LRRFIP2: variants seen among roughly 807,000 people sequenced by gnomAD.
LRRFIP2 encodes the protein LRR binding FLII interacting protein 2.
LRRFIP2 carries 109 observed loss-of-function variants against 125.9 expected under a neutral mutation model. That is an observed-to-expected ratio of 0.87 (90% CI 0.74 to 1.01). The LOEUF (loss-of-function observed/expected upper bound fraction) is 1.01, where lower values mean the gene tolerates loss of function less well. LRRFIP2 is among the 50% of genes least tolerant of loss of function. The pLI is 0.00. For missense variants in LRRFIP2, 850 were observed against 862.3 expected (o/e 0.99, Z 0.18); for synonymous variants, 291 against 293.1 (o/e 0.99, Z 0.07).
At chr3:37,134,546 G>A in intron 2 of LRRFIP2, 3 of 424,982 alleles carry the variant, frequency 7.1e-6, no homozygotes, top group South Asian at 5.7e-5. Flanking sequence ...GTGTCTGGCA[G>A]AGCCGGTATG....
chr3:37,121,426 A>G lies in LRRFIP2; in HGVS notation c.330+66T>C, dbSNP rs562797799. 6 of 1,427,636 alleles carry G rather than the reference A, an allele frequency of 4.2e-6. No individual in the cohort carries two copies. The South Asian group carries it at 6.9e-5, about 16-fold the overall frequency. 88.4% of individuals were successfully genotyped at this position (1,427,636 alleles called of 1,614,324 possible). Reference sequence around the variant, plus strand: ...ATACAGGAACATTGTCAGATTGTTTAGGCAACATTATTGAAGAAAGCTCAC... The same window carrying G: ...ATACAGGAACATTGTCAGATTGTTTGGGCAACATTATTGAAGAAAGCTCAC... On this transcript the variant is annotated intron_variant, in intron 6 of 27. Coordinates refer to ENST00000336686, the MANE Select transcript of LRRFIP2 (RefSeq NM_006309.4).
At chr3:37,175,884 C>G (rs1400095465), upstream of LRRFIP2, 1 of 152,274 alleles carries the variant, frequency 6.6e-6, no homozygotes, top group Non-Finnish European at 1.5e-5. Context: ...ACGCCGCAGG[C>G]AGGGGGCGAC....
intron 11 of LRRFIP2, among the ~76,000 whole-genome samples, chr3:37,109,292 T>TA (rs1029267851): frequency 3.5e-4 from 53 of 151,696 alleles, no homozygotes; most frequent in Middle Eastern, 3.4e-3. Flanking sequence ...CTTCTCTAGA[T>TA]AAAAAAAAAC....
At chr3:37,148,744 A>G (rs2095925888) in intron 2 of LRRFIP2, 150 bp downstream of exon 2, 8 of 687,438 alleles carry the variant, frequency 1.2e-5, no homozygotes, top group Non-Finnish European at 1.2e-5. Context: ...TTTTATTCTA[A>G]CACACTATTT....
At chr3:37,169,626 A>G (rs944810771) in intron 1 of LRRFIP2, among the ~76,000 whole-genome samples, 1 of 152,252 alleles carries the variant, frequency 6.6e-6, no homozygotes, top group East Asian at 1.9e-4. Context: ...CAGAAAGCCA[A>G]AAGATTTCTT....
chr3:37,088,711 C>T (rs1208932061), intron 18 of LRRFIP2, among the ~76,000 whole-genome samples: 3 of 151,912 alleles, frequency 2.0e-5, no homozygotes, highest in East Asian at 3.9e-4. Flanking sequence ...GGCTTAGGAT[C>T]GCTTGAGTCC....
In LRRFIP2 at chr3:37,053,791, A is replaced by G. The variant is rs1172785676; in HGVS notation, c.*60T>C. On this transcript the variant is annotated 3_prime_UTR_variant, in exon 28 of 28. Transcript: ENST00000336686. ...TAAAAGGGGTTTGTGTCAATGGACA[A>G]AAGTCAGTCCCTCTAGGTAGGGCCC... is the stretch of plus-strand genomic sequence containing the variant. The G allele has an allele frequency of 2.7e-6, 3 of 1,127,324 alleles. No individual in the cohort carries two copies. In the African/African-American group the frequency reaches 4.6e-5, roughly 17 times the overall value. 69.8% of individuals were successfully genotyped at this position (1,127,324 alleles called of 1,614,324 possible).
chr3:37,144,229 A>G (rs1025160620), intron 2 of LRRFIP2, among the ~76,000 whole-genome samples: 50 of 152,244 alleles, frequency 3.3e-4, no homozygotes, highest in African/African-American at 1.1e-3. Context: ...TTTTTATTTT[A>G]TCACACTGAT....
intron 19 of LRRFIP2, among the ~76,000 whole-genome samples, chr3:37,079,709 T>C (rs2092453165): frequency 6.6e-6 from 1 of 152,064 alleles, no homozygotes; most frequent in South Asian, 2.1e-4. Flanking sequence ...AAACAAAATG[T>C]AGCATACCCA....
At chr3:37,134,942 T>C in intron 2 of LRRFIP2, 1 of 1,418,146 alleles carries the variant, frequency 7.1e-7, no homozygotes, top group Non-Finnish European at 9.9e-7. Context: ...AGTGGTTGCC[T>C]GCTTTAAAAC....
intron 1 of LRRFIP2, among the ~76,000 whole-genome samples, chr3:37,167,205 AAAAAAAAAG>A (rs535712375): frequency 1.2e-3 from 187 of 151,854 alleles, no homozygotes; most frequent in African/African-American, 3.9e-3. Flanking sequence ...TCCAAAAAAA[AAAAAAAAAG>A]AAAGAAAGAA....
At chr3:37,122,701 T>C (rs1387170114) in intron 4 of LRRFIP2, among the ~76,000 whole-genome samples, 1 of 152,210 alleles carries the variant, frequency 6.6e-6, no homozygotes, top group Non-Finnish European at 1.5e-5. Flanking sequence ...AGTAATTACA[T>C]ATATATTTTA....
chr3:37,163,463 T>C (rs1262698379), intron 1 of LRRFIP2, among the ~76,000 whole-genome samples: 1 of 152,154 alleles, frequency 6.6e-6, no homozygotes, highest in Non-Finnish European at 1.5e-5. Context: ...TCCCTCTCTT[T>C]GTCCTCGCAT....
chr3:37,111,152 G>T, intron 8 of LRRFIP2, 87 bp from the exon 9 acceptor site: 1 of 983,710 alleles, frequency 1.0e-6, no homozygotes, highest in Non-Finnish European at 1.6e-6. Flanking sequence ...ACACAAAAAG[G>T]CAAAATATGA....
chr3:37,056,448 A>C (rs897789981), intron 25 of LRRFIP2, among the ~76,000 whole-genome samples: 2 of 145,366 alleles, frequency 1.4e-5, no homozygotes, highest in African/African-American at 5.0e-5. Context: ...CTTCAATGTG[A>C]GAGGTTTTTC....
At chr3:37,159,989 CAAAAAAAAA>C (rs58005486) in intron 1 of LRRFIP2, among the ~76,000 whole-genome samples, 1,019 of 46,952 alleles carry the variant, frequency 0.022, 9 homozygotes, top group African/African-American at 0.039. Context: ...GCCCTATGCG[CAAAAAAAAA>C]AAAAAAAAAA....
At chr3:37,086,438 A>G (rs534465512) in intron 18 of LRRFIP2, among the ~76,000 whole-genome samples, 8 of 152,236 alleles carry the variant, frequency 5.3e-5, no homozygotes, top group Non-Finnish European at 1.2e-4. Context: ...TCACAGCAGC[A>G]TTATTCATAA....
chr3:37,165,853 G>GAA (rs71635829), intron 1 of LRRFIP2, among the ~76,000 whole-genome samples: 1 of 141,606 alleles, frequency 7.1e-6, no homozygotes, highest in African/African-American at 2.6e-5. Context: ...AAGAAAGAAA[G>GAA]AAAGAGAAAG....
chr3:37,169,694 G>C (rs1188971582), intron 1 of LRRFIP2, among the ~76,000 whole-genome samples: 1 of 152,090 alleles, frequency 6.6e-6, no homozygotes, highest in Admixed American at 6.5e-5. Flanking sequence ...AACATGCTCA[G>C]AACAGTAACA....
Sources: gnomAD v4.1 joint callset for allele counts (sites outside exome capture counted in the v4.1 genomes callset) on GRCh38, gnomAD v4.1.1 for gene constraint, MANE v1.5 for transcripts, NCBI Gene and HGNC (gene_info 2026-07-23, HGNC 2026-07-21) for gene names.